Variants in RASGRP4 observed in about 807,000 individuals in gnomAD.
RASGRP4 encodes the protein RAS guanyl-releasing protein 4.
A neutral mutation model predicts 84.4 loss-of-function variants in RASGRP4; 52 were observed. The observed-to-expected ratio is 0.62, with a 90% CI of 0.49 to 0.78. The LOEUF (loss-of-function observed/expected upper bound fraction) is 0.78. RASGRP4 is among the 30% of genes least tolerant of loss of function. The pLI, the probability that RASGRP4 is intolerant of heterozygous loss-of-function variation, is 0.00. For missense variants in RASGRP4, 760 were observed against 886.9 expected (o/e 0.86, Z 1.82); for synonymous variants, 356 against 359.1 (o/e 0.99, Z 0.10).
In RASGRP4 at chr19:38,418,480, C is replaced by T. The variant is rs1431876433; in HGVS notation, c.748G>A (p.Val250Met). Residue 250 changes from valine to methionine, a missense_variant, in exon 7 of 17, where the codon GTG (valine) becomes ATG (methionine). Coordinates refer to ENST00000615439, the MANE Select transcript of RASGRP4 (RefSeq NM_170604.3). The surrounding 1 kb of genome is among the most constrained non-coding windows in gnomAD (Gnocchi z 4.6). The part of the protein sequence containing the change: ...LEGSVGLSNS[V>M]SRWVQVMVLS... ...ACCATCACCTGCACCCAGCGGGACA[C>T]GCTGTTGCTGAGACCTACGGAGCCC... is the stretch of plus-strand genomic sequence containing the variant. 1.3e-6 allele frequency: 2 copies of T among 1,582,574 alleles called. No individual in the cohort carries two copies. Among genetic ancestry groups the T allele is most frequent in the South Asian group, 1.2e-5 (1 of 86,654 alleles).
chr19:38,416,238 T>C (rs113665785), intron 8 of RASGRP4, among the ~76,000 whole-genome samples: 12,419 of 151,106 alleles, frequency 0.082, 590 homozygotes, highest in African/African-American at 0.12. Context: ...CCAAGGTGGG[T>C]GGATCGCCTT....
Position 38,418,664 on chromosome 19 carries a change from C to T in RASGRP4, c.664-100G>A. ...ACGATCTCTGATGTCCTAGCCTGGT[C>T]TAGCCGGAGTGACCTTTGTCATCTG... On this transcript the variant is annotated intron_variant, in intron 6 of 16. Coordinates refer to ENST00000615439, the MANE Select transcript of RASGRP4 (RefSeq NM_170604.3). This position sits in a 1 kb window ranked among gnomAD's most constrained non-coding sequence, Gnocchi z 4.6. 1 of 1,204,960 alleles carries T rather than the reference C, an allele frequency of 8.3e-7. No individual in the cohort carries two copies. The highest frequency in any genetic ancestry group is 1.1e-6 in the Non-Finnish European group (1 of 894,294). The allele number at this position is 1,204,960 out of a possible 1,614,324, so 74.6% of individuals were successfully genotyped here.
At chr19:38,411,675 T>C (rs1971263059) in intron 13 of RASGRP4, 1 of 369,360 alleles carries the variant, frequency 2.7e-6, no homozygotes. Context: ...GCCTGGGTAA[T>C]AGAGCAAGAC....
intron 9 of RASGRP4, 72 bp downstream of exon 9, chr19:38,414,776 C>A: frequency 1.4e-6 from 2 of 1,416,780 alleles, no homozygotes; most frequent in Admixed American, 2.5e-5. Context: ...GTCCTGGAGA[C>A]ACTCACACAC....
chr19:38,424,266 C>T (rs185037078), intron 1 of RASGRP4, among the ~76,000 whole-genome samples: 34 of 152,098 alleles, frequency 2.2e-4, no homozygotes, highest in Non-Finnish European at 3.5e-4. Context: ...ACTACAGGCA[C>T]GTGCCACCAC....
Position 38,410,950 on chromosome 19 carries a change from C to A in RASGRP4, c.1901G>T (p.Gly634Val). 1 of 1,604,044 alleles carries A rather than the reference C, an allele frequency of 6.2e-7. No homozygotes were observed. ...GGTCCAGGCATGGCGAAGCTGGCACCCAGTCTCAGGCTCCAGGGATAGCGT... is the reference window on the plus strand; with the variant it reads ...GGTCCAGGCATGGCGAAGCTGGCACACAGTCTCAGGCTCCAGGGATAGCGT... ...SYTLSLEPETGCQLRHAWTQT... is the reference protein window; with the variant it reads ...SYTLSLEPETVCQLRHAWTQT... Residue 634 changes from glycine (G) to valine (V), a missense_variant, in exon 16 of 17, where the codon GGG becomes GTG. Coordinates refer to ENST00000615439, the MANE Select transcript of RASGRP4 (RefSeq NM_170604.3).
Position 38,423,527 on chromosome 19 carries a change from AAAT to A in RASGRP4, c.24-1377_24-1375del, listed in dbSNP as rs537856045. Among the ~76,000 whole-genome samples, 37 of 149,934 alleles carry A rather than the reference AAAT, an allele frequency of 2.5e-4. No homozygotes were observed. The South Asian group carries it at 7.8e-3, about 32-fold the overall frequency. On this transcript the variant is annotated intron_variant, in intron 1 of 16. Coordinates refer to ENST00000615439, the MANE Select transcript of RASGRP4 (RefSeq NM_170604.3). The stretch of plus-strand genomic sequence containing the variant: ...GGTGACAGAGTGATTTCTGTTTCAA[AAAT>A]AATAATAAAAAAATTAAAAAGAGAG...
rs763515377 is a variant in RASGRP4, at chr19:38,413,287, G to C, written c.1322C>G (p.Pro441Arg). The change falls in exon 11 of 17, where the codon CCC becomes CGC. Residue 441 changes from proline (P) to arginine (R), a missense_variant. Physicochemically the swap from Pro to Arg is moderately radical, Grantham distance 103. Transcript: ENST00000615439. The surrounding 1 kb of genome is among the most constrained non-coding windows in gnomAD (Gnocchi z 4.7). ...PRCPKSLPPSPFNAPLVVEWA... is the reference protein window; with the variant it reads ...PRCPKSLPPSRFNAPLVVEWA... ...CTCCACCACCAGAGGTGCATTGAAG[G>C]GGGAGGGTGGCTGGGGCGGGGACAG... 9 of 1,613,614 alleles carry C rather than the reference G, an allele frequency of 5.6e-6. No individual in the cohort carries two copies. Among genetic ancestry groups the C allele is most frequent in the South Asian group, 4.4e-5 (4 of 91,074 alleles).
rs9916978 is a variant in RASGRP4 at position 38,413,540 on chromosome 19, T to A, written c.1231-66A>T. The A allele has an allele frequency of 0.041, 54,476 of 1,340,914 alleles. 2,570 individuals are homozygous for A. The highest frequency in any genetic ancestry group is 0.23 in the African/African-American group (15,881 of 68,744). 83.1% of individuals were successfully genotyped at this position (1,340,914 alleles called of 1,614,324 possible). A position where few individuals can be genotyped will look rare whatever the true frequency, so the allele number is the denominator to read the frequency against. Reference sequence around the variant, plus strand: ...CCCTGCCCCAGACCCCCACACCCACTCGCAGGCTCTTCCCAAAGCCCCTCC... The same window carrying A: ...CCCTGCCCCAGACCCCCACACCCACACGCAGGCTCTTCCCAAAGCCCCTCC... On this transcript the variant is annotated intron_variant, in intron 9 of 16. Coordinates refer to ENST00000615439, the MANE Select transcript of RASGRP4 (RefSeq NM_170604.3). This position sits in a 1 kb window ranked among gnomAD's most constrained non-coding sequence, Gnocchi z 4.7.
intron 13 of RASGRP4, chr19:38,411,610 G>T: frequency 1.9e-6 from 1 of 536,502 alleles, no homozygotes; most frequent in Non-Finnish European, 3.3e-6. Flanking sequence ...TGGGAGGATC[G>T]CTTGAGCTCA....
chr19:38,411,004 T>C lies in RASGRP4; in HGVS notation c.1853-6A>G, dbSNP rs759424536. 3.5e-5 allele frequency: 56 copies of C among 1,606,046 alleles called. 1 individual carries two copies. The South Asian group carries it at 5.8e-4, about 17-fold the overall frequency. ...GGAGTGATTTTCCTCGGAGCCTGTT[T>C]GTGGGTGGATGGAAGGGATGTGGGT... On this transcript the variant is annotated splice_polypyrimidine_tract_variant and splice_region_variant and intron_variant, in intron 15 of 16. Transcript: ENST00000615439.
At position 38,418,165 on chromosome 19, in the gene RASGRP4, G is replaced by A. The variant is rs553557964; in HGVS notation, c.837+226C>T. The stretch of plus-strand genomic sequence containing the variant: ...GGCATAGGGCTTGGGAGCCTGTCAC[G>A]TCTAGGGCCAAGGGGTGGGGCCACG... On this transcript the variant is annotated intron_variant, in intron 7 of 16. Coordinates refer to ENST00000615439, the MANE Select transcript of RASGRP4 (RefSeq NM_170604.3). The surrounding 1 kb of genome is among the most constrained non-coding windows in gnomAD (Gnocchi z 4.6). 1.3e-5 allele frequency among the ~76,000 whole-genome samples: 2 copies of A among 150,676 alleles called. No individual in the cohort carries two copies. The highest frequency in any genetic ancestry group is 2.1e-4 in the South Asian group (1 of 4,820).
Position 38,421,995 on chromosome 19 carries a change from A to T in RASGRP4, c.182T>A (p.Leu61Gln). 6.2e-7 allele frequency: 1 copy of T among 1,612,720 alleles called. No individual in the cohort carries two copies. The highest frequency in any genetic ancestry group is 8.5e-7 in the Non-Finnish European group (1 of 1,179,434). ...LSEGGCSEDELLEKCIQSFDS... is the reference protein window; with the variant it reads ...LSEGGCSEDEQLEKCIQSFDS... ...GAAGGACTGGATGCATTTCTCCAGC[A>T]GCTCATCTTCGCTGCAGCCGCCCTC... The change falls in exon 2 of 17, where the codon CTG (leucine) becomes CAG (glutamine). Residue 61 changes from leucine (L) to glutamine (Q), a missense_variant. By Grantham distance (113) the Leu-to-Gln change is moderately radical (BLOSUM62 -2). Transcript: ENST00000615439.
At chr19:38,421,729 A>C (rs1323818160) in intron 2 of RASGRP4, among the ~76,000 whole-genome samples, 1 of 150,478 alleles carries the variant, frequency 6.6e-6, no homozygotes, top group Non-Finnish European at 1.5e-5. Context: ...AAAGAAAAGA[A>C]AAGAAAAAAG....
intron 1 of RASGRP4, 108 bp downstream of exon 1, chr19:38,425,961 C>T: frequency 1.0e-6 from 1 of 974,756 alleles, no homozygotes; most frequent in Non-Finnish European, 1.4e-6. Context: ...TGCGCCTGAT[C>T]CCAAAGAAGT....
At chr19:38,415,970 A>T (rs896692253) in intron 8 of RASGRP4, among the ~76,000 whole-genome samples, 1 of 151,352 alleles carries the variant, frequency 6.6e-6, no homozygotes, top group Non-Finnish European at 1.5e-5. Context: ...GAGGCAGGCG[A>T]ATCGCTTGAA....
chr19:38,426,054 GGA>G lies in RASGRP4; in HGVS notation c.23+13_23+14del. ...CTCAGGGTGCTGCCGGGCTCCCTGG[GGA>G]GGGTCCTCTCACCTCTTACTGTCTT... On this transcript the variant is annotated intron_variant, in intron 1 of 16. Transcript: ENST00000615439. 7.3e-7 allele frequency: 1 copy of G among 1,368,838 alleles called. No individual in the cohort carries two copies. Among genetic ancestry groups the G allele is most frequent in the Non-Finnish European group, 9.5e-7 (1 of 1,051,594 alleles). 84.8% of individuals were successfully genotyped at this position (1,368,838 alleles called of 1,614,324 possible).
intron 4 of RASGRP4, 35 bp from the exon 5 acceptor site, chr19:38,420,297 G>C (rs1422304150): frequency 1.9e-6 from 3 of 1,606,426 alleles, no homozygotes; most frequent in Non-Finnish European, 2.5e-6. Flanking sequence ...GATGAGGCCG[G>C]GGGTGGCGAA....
intron 1 of RASGRP4, among the ~76,000 whole-genome samples, chr19:38,424,570 C>T (rs1033471463): frequency 2.0e-5 from 3 of 148,374 alleles, no homozygotes; most frequent in Non-Finnish European, 4.4e-5. Context: ...CAGGTGTGCA[C>T]GACCATACCC....
Sources: gnomAD v4.1 joint callset for allele counts (sites outside exome capture counted in the v4.1 genomes callset) on GRCh38, gnomAD v4.1.1 for gene constraint, Gnocchi (gnomAD v3.1) non-coding constraint, MANE v1.5 for transcripts, NCBI Gene and HGNC (gene_info 2026-07-23, HGNC 2026-07-21) for gene names.